Variants in SPAG16 observed in about 807,000 individuals in gnomAD.
SPAG16 encodes sperm associated antigen 16, also known as sperm-associated antigen 16 protein.
In SPAG16, 86 loss-of-function variants were observed where a neutral mutation model predicts 80.4. The observed-to-expected ratio is 1.07, with a 90% confidence interval of 0.90 to 1.28. The LOEUF (loss-of-function observed/expected upper bound fraction) is 1.28. SPAG16 is among the 50% of genes most tolerant of loss of function. The probability of loss-of-function intolerance (pLI) is 0.00; values close to 1 mark genes in which losing one functional copy is unlikely to be tolerated. For missense variants in SPAG16, 870 were observed against 765.3 expected, an observed-to-expected ratio of 1.14 and a Z score of -1.61; for synonymous variants, 294 against 265.9, an observed-to-expected ratio of 1.11 and a Z score of -1.03.
At chr2:213,382,523 G>A (rs2125247225) in intron 9 of SPAG16, among the ~76,000 whole-genome samples, 1 of 152,278 alleles carries the variant, frequency 6.6e-6, no homozygotes, top group African/African-American at 2.4e-5. Flanking sequence ...GAGCACCATT[G>A]GGTCTGCTGG....
chr2:213,393,307 TTAAA>T (rs1189483314), intron 9 of SPAG16, among the ~76,000 whole-genome samples: 3 of 151,858 alleles, frequency 2.0e-5, no homozygotes, highest in African/African-American at 4.8e-5. Context: ...AATTTGTAGA[TTAAA>T]TATAGCATAA....
chr2:213,343,758 A>G (rs2064816440), intron 6 of SPAG16, among the ~76,000 whole-genome samples: 1 of 152,216 alleles, frequency 6.6e-6, no homozygotes. Flanking sequence ...ATCAATGAAC[A>G]TGAAGACAGG....
chr2:213,839,575 C>T (rs990024343), intron 10 of SPAG16, among the ~76,000 whole-genome samples: 2 of 152,086 alleles, frequency 1.3e-5, no homozygotes, highest in African/African-American at 2.4e-5. Context: ...AGAAGTCTCT[C>T]ACATATATTA....
intron 10 of SPAG16, among the ~76,000 whole-genome samples, chr2:213,513,088 A>G (rs1575799053): frequency 6.6e-6 from 1 of 152,142 alleles, no homozygotes; most frequent in South Asian, 2.1e-4. Flanking sequence ...TGTCTGTTCT[A>G]TGATCCTCTT....
chr2:214,090,394 C>T (rs2052099196), intron 13 of SPAG16, among the ~76,000 whole-genome samples: 1 of 151,734 alleles, frequency 6.6e-6, no homozygotes, highest in African/African-American at 2.4e-5. Flanking sequence ...CAACCACTAC[C>T]GGAAAATAGA....
chr2:213,814,020 G>GGA (rs945008080), intron 10 of SPAG16, among the ~76,000 whole-genome samples: 1 of 152,046 alleles, frequency 6.6e-6, no homozygotes, highest in Admixed American at 6.6e-5. Flanking sequence ...ACGGAGGTAG[G>GGA]GAGAGAGAGA....
intron 13 of SPAG16, among the ~76,000 whole-genome samples, chr2:214,082,996 C>T (rs6728974): frequency 0.14 from 21,368 of 152,194 alleles, 1,594 homozygotes; most frequent in Non-Finnish European, 0.16. Flanking sequence ...TTTCTCACTT[C>T]CAGTAAATAA....
intron 15 of SPAG16, among the ~76,000 whole-genome samples, chr2:214,362,988 A>T (rs576478693): frequency 1.3e-5 from 2 of 151,944 alleles, no homozygotes; most frequent in East Asian, 3.9e-4. Flanking sequence ...AATGTTCTTG[A>T]ACTATTCTTT....
At chr2:213,294,447 G>A (rs1419497706) in intron 1 of SPAG16, among the ~76,000 whole-genome samples, 1 of 152,136 alleles carries the variant, frequency 6.6e-6, no homozygotes, top group East Asian at 1.9e-4. Context: ...AATAAAGGAG[G>A]TATTTTACTC....
intron 10 of SPAG16, among the ~76,000 whole-genome samples, chr2:213,583,209 G>GA (rs1441487168): frequency 2.0e-5 from 3 of 151,984 alleles, no homozygotes; most frequent in African/African-American, 7.2e-5. Flanking sequence ...ATTTTCCATG[G>GA]AAAAAACAGG....
intron 15 of SPAG16, among the ~76,000 whole-genome samples, chr2:214,387,969 C>A (rs1328366207): frequency 2.6e-5 from 4 of 151,710 alleles, no homozygotes; most frequent in Admixed American, 2.6e-4. Context: ...ATAAGTTTTA[C>A]ATTTCTCTCC....
At chr2:213,953,905 G>A (rs2043985265) in intron 12 of SPAG16, among the ~76,000 whole-genome samples, 1 of 151,912 alleles carries the variant, frequency 6.6e-6, no homozygotes. Context: ...GGTGAATTGT[G>A]GAAACTGCAA....
intron 10 of SPAG16, among the ~76,000 whole-genome samples, chr2:213,711,273 T>A (rs983396892): frequency 6.6e-6 from 1 of 152,080 alleles, no homozygotes; most frequent in East Asian, 1.9e-4. Context: ...TTTTTTAATA[T>A]CATGGTGAAT....
intron 12 of SPAG16, among the ~76,000 whole-genome samples, chr2:213,930,363 A>G (rs961530297): frequency 2.0e-5 from 3 of 152,222 alleles, no homozygotes; most frequent in Non-Finnish European, 4.4e-5. Context: ...TCTAAATGTA[A>G]GTATCAAGAT....
At chr2:214,195,334 T>TAGATAGATAGATAGATAGATA (rs1461627655) in intron 15 of SPAG16, among the ~76,000 whole-genome samples, 2 of 151,792 alleles carry the variant, frequency 1.3e-5, no homozygotes, top group South Asian at 2.1e-4. Context: ...GATAGATAGA[T>TAGATAGATAGATAGATAGATA]ATTTGAGAGA....
At chr2:213,594,731 C>T (rs2060828010) in intron 10 of SPAG16, among the ~76,000 whole-genome samples, 2 of 152,102 alleles carry the variant, frequency 1.3e-5, no homozygotes, top group African/African-American at 4.8e-5. Flanking sequence ...ATAACCAGGA[C>T]GTGATAAGGG....
chr2:213,468,901 A>C (rs971784254), intron 9 of SPAG16, among the ~76,000 whole-genome samples: 2 of 152,048 alleles, frequency 1.3e-5, no homozygotes, highest in African/African-American at 4.8e-5. Flanking sequence ...GGAAGCATTC[A>C]GCATAGGAGA....
chr2:213,991,895 T>G (rs866319855), intron 12 of SPAG16, among the ~76,000 whole-genome samples: 4 of 56,636 alleles, frequency 7.1e-5, no homozygotes, highest in Non-Finnish European at 1.5e-4. Flanking sequence ...TTATTTATTC[T>G]TGTTTCAGTG....
At chr2:214,084,974 T>C (rs925400085) in intron 13 of SPAG16, among the ~76,000 whole-genome samples, 1 of 152,324 alleles carries the variant, frequency 6.6e-6, no homozygotes, top group Middle Eastern at 3.4e-3. Flanking sequence ...GAAAGACTGT[T>C]AGAAGACAAA....
Sources: gnomAD v4.1 joint callset for allele counts (sites outside exome capture counted in the v4.1 genomes callset) on GRCh38, gnomAD v4.1.1 for gene constraint, MANE v1.5 for transcripts, NCBI Gene and HGNC (gene_info 2026-07-23, HGNC 2026-07-21) for gene names.